LRRC8C: variants seen among roughly 807,000 people sequenced by gnomAD.
LRRC8C encodes the protein leucine rich repeat containing 8 VRAC subunit C.
In LRRC8C, 20 loss-of-function variants were observed where a neutral mutation model predicts 55.3. The ratio of observed to expected loss-of-function variants is 0.36; its 90% confidence interval spans 0.25 to 0.53. The LOEUF is 0.53. Ranked by LOEUF, LRRC8C falls within the 20% of genes least tolerant of loss-of-function variation. LRRC8C has a pLI of 0.92. For synonymous variants in LRRC8C, 376 were observed against 360.7 expected (o/e 1.04, Z -0.48); for missense variants, 659 against 951.4 (o/e 0.69, Z 4.04).
chr1:89,661,778 G>C (rs1216608653), intron 1 of LRRC8C, among the ~76,000 whole-genome samples: 1 of 152,126 alleles, frequency 6.6e-6, no homozygotes, highest in African/African-American at 2.4e-5. Flanking sequence ...AGAAAAATAA[G>C]GCAGGGCAGG....
chr1:89,633,237 G>A lies in LRRC8C; in HGVS notation c.-90G>A. ...GAGCAGCGACCCCGCGGGCGACGCC[G>A]CCGTCCCTGGCAGCCGCTGAGCCCG... is the stretch of plus-strand genomic sequence containing the variant. On this transcript the variant is annotated 5_prime_UTR_variant, in exon 1 of 3. Transcript: ENST00000370454. The A allele has an allele frequency of 6.6e-6, 1 of 152,572 alleles. No homozygotes were observed. The highest frequency in any genetic ancestry group is 1.5e-5 in the Non-Finnish European group (1 of 68,270). 9.5% of individuals were successfully genotyped at this position (152,572 alleles called of 1,614,324 possible).
chr1:89,620,844 C>G, the LRRC8C span, among the ~76,000 whole-genome samples: 1 of 152,170 alleles, frequency 6.6e-6, no homozygotes, highest in East Asian at 1.9e-4. Context: ...AGGGTCTTAA[C>G]AGAAAGACAG....
upstream of LRRC8C, among the ~76,000 whole-genome samples, chr1:89,628,775 G>C (rs908206684): frequency 7.9e-5 from 12 of 152,230 alleles, no homozygotes; most frequent in African/African-American, 2.9e-4. Flanking sequence ...TAGCAAGAAA[G>C]AGAAAGGGAA....
chr1:89,635,446 C>T (rs1656252696), intron 1 of LRRC8C, among the ~76,000 whole-genome samples: 1 of 152,080 alleles, frequency 6.6e-6, no homozygotes, highest in Non-Finnish European at 1.5e-5. Flanking sequence ...TTACAATGAA[C>T]CCCTAAGGTA....
rs568880081 is a variant in LRRC8C at position 89,707,361 on chromosome 1, T to TC, written c.139-5348_139-5347insC. Among the ~76,000 whole-genome samples, 327 of 151,832 alleles carry TC rather than the reference T, an allele frequency of 2.2e-3. 4 individuals are homozygous for TC. The highest frequency in any genetic ancestry group is 7.2e-3 in the African/African-American group (297 of 41,260). ...GGCGGAGGTTGCAGTGAGCTGAGAT[T>TC]GCGCCACTGCACTCCAGCCTGGACA... is the stretch of plus-strand genomic sequence containing the variant. On this transcript the variant is annotated intron_variant, in intron 2 of 2. Coordinates refer to ENST00000370454, the MANE Select transcript of LRRC8C (RefSeq NM_032270.5).
Position 89,714,968 on chromosome 1 carries a change from A to G in LRRC8C, c.2398A>G (p.Met800Val). The G allele has an allele frequency of 1.9e-6, 3 of 1,581,510 alleles. No individual in the cohort carries two copies. In the African/African-American group the frequency reaches 4.1e-5, roughly 22 times the overall value. Residue 800 changes from methionine to valine, a missense_variant, in exon 3 of 3, where the codon ATG (methionine) becomes GTG (valine). By Grantham distance (21) the Met-to-Val change is conservative. Transcript: ENST00000370454. This position sits in a 1 kb window ranked among gnomAD's most constrained non-coding sequence, Gnocchi z 4.6. ...ETLPSDVREQ[M>V]KTE ...TCTGCCTTCTGACGTCCGGGAGCAAATGAAAACAGAATAACTTATTTTTCG... is the reference window on the plus strand; with the variant it reads ...TCTGCCTTCTGACGTCCGGGAGCAAGTGAAAACAGAATAACTTATTTTTCG...
At chr1:89,628,810 T>C (rs916168309), upstream of LRRC8C, among the ~76,000 whole-genome samples, 1 of 152,108 alleles carries the variant, frequency 6.6e-6, no homozygotes, top group African/African-American at 2.4e-5. Flanking sequence ...TAGAGTAAAA[T>C]GTTTAGGCTC....
chr1:89,659,061 T>G lies in LRRC8C; in HGVS notation c.-5+25739T>G, dbSNP rs918035280. The stretch of plus-strand genomic sequence containing the variant: ...TGTCTTCTCCAGGTTTTTTTTTTTT[T>G]TGTGTGTGTGTGTGTGTGTGTGTGT... On this transcript the variant is annotated intron_variant, in intron 1 of 2. Transcript: ENST00000370454. 6.7e-3 allele frequency among the ~76,000 whole-genome samples: 362 copies of G among 53,910 alleles called. 2 individuals carry two copies. The highest frequency in any genetic ancestry group is 0.014 in the African/African-American group (217 of 15,888). 35.4% of individuals were successfully genotyped at this position (53,910 alleles called of 152,430 possible). A position where few individuals can be genotyped will look rare whatever the true frequency, so the allele number is the denominator to read the frequency against.
At chr1:89,694,892 A>G (rs1001255548) in intron 2 of LRRC8C, among the ~76,000 whole-genome samples, 37 of 146,758 alleles carry the variant, frequency 2.5e-4, no homozygotes, top group African/African-American at 9.3e-4. Context: ...TTGTTATAAT[A>G]GCACTTCCTG....
At chr1:89,643,772 T>C (rs1439478367) in intron 1 of LRRC8C, among the ~76,000 whole-genome samples, 2 of 152,226 alleles carry the variant, frequency 1.3e-5, no homozygotes, top group Non-Finnish European at 2.9e-5. Flanking sequence ...ACTAGACATT[T>C]TGTGAGTTCC....
At chr1:89,683,317 A>G (rs540165619) in intron 1 of LRRC8C, among the ~76,000 whole-genome samples, 37 of 152,150 alleles carry the variant, frequency 2.4e-4, no homozygotes, top group African/African-American at 8.0e-4. Flanking sequence ...ATGTTACAAA[A>G]TCATGCATGT....
chr1:89,703,061 A>G (rs568722998), intron 2 of LRRC8C, among the ~76,000 whole-genome samples: 2 of 152,352 alleles, frequency 1.3e-5, no homozygotes, highest in South Asian at 4.1e-4. Flanking sequence ...ATTTGAAGAA[A>G]TATTTGCTTT....
rs755405574 is a variant in LRRC8C, at chr1:89,714,190, T to A, written c.1620T>A (p.Asp540Glu). The stretch of plus-strand genomic sequence containing the variant: ...ATGTCACCCTTGAGTCTCTGCGGGA[T>A]CTCAAAAGCCTTAAAATTCTCTCTA... Reference protein sequence around the residue: ...SRNVTLESLRDLKSLKILSIK... With the variant: ...SRNVTLESLRELKSLKILSIK... Residue 540 changes from aspartate (D) to glutamate (E), a missense_variant, in exon 3 of 3, where the codon GAT (aspartate) becomes GAA (glutamate). Physicochemically the swap from Asp to Glu is conservative, Grantham distance 45. Coordinates refer to ENST00000370454, the MANE Select transcript of LRRC8C (RefSeq NM_032270.5). This position sits in a 1 kb window ranked among gnomAD's most constrained non-coding sequence, Gnocchi z 4.6. 1 of 1,614,086 alleles carries A rather than the reference T, an allele frequency of 6.2e-7. No individual in the cohort carries two copies. The highest frequency in any genetic ancestry group is 1.3e-5 in the African/African-American group (1 of 75,000).
At chr1:89,678,645 A>G (rs1386822721) in intron 1 of LRRC8C, among the ~76,000 whole-genome samples, 5 of 151,110 alleles carry the variant, frequency 3.3e-5, no homozygotes, top group African/African-American at 1.2e-4. Flanking sequence ...TATTGCAGTG[A>G]GCCAAGATCG....
chr1:89,634,775 T>A (rs1392353760), intron 1 of LRRC8C, among the ~76,000 whole-genome samples: 1 of 152,214 alleles, frequency 6.6e-6, no homozygotes, highest in Non-Finnish European at 1.5e-5. Flanking sequence ...CTAGGATATT[T>A]GCATTTCTTG....
At chr1:89,688,560 C>T (rs1193985656) in intron 2 of LRRC8C, among the ~76,000 whole-genome samples, 3 of 152,270 alleles carry the variant, frequency 2.0e-5, no homozygotes, top group Middle Eastern at 3.4e-3. Context: ...AATTAAAAGA[C>T]GTCCAGGAGC....
intron 1 of LRRC8C, among the ~76,000 whole-genome samples, chr1:89,672,455 A>G (rs1397744270): frequency 6.6e-6 from 1 of 152,242 alleles, no homozygotes; most frequent in East Asian, 1.9e-4. Flanking sequence ...TACCTTGCAG[A>G]TAGAGCTATT....
chr1:89,666,860 C>T (rs28731486), intron 1 of LRRC8C, among the ~76,000 whole-genome samples: 1 of 152,218 alleles, frequency 6.6e-6, no homozygotes, highest in South Asian at 2.1e-4. Context: ...GTCCCCATTT[C>T]TTAGGGAGCT....
At chr1:89,663,822 A>G (rs1222499573) in intron 1 of LRRC8C, among the ~76,000 whole-genome samples, 1 of 152,098 alleles carries the variant, frequency 6.6e-6, no homozygotes, top group Admixed American at 6.5e-5. Flanking sequence ...CGCCATTCTA[A>G]CTGGTGTGAG....
Sources: allele counts gnomAD v4.1 joint callset (sites outside exome capture counted in the v4.1 genomes callset), GRCh38; gene constraint gnomAD v4.1.1; non-coding constraint Gnocchi (gnomAD v3.1); transcripts MANE v1.5; gene names NCBI Gene and HGNC (gene_info 2026-07-23, HGNC 2026-07-21).